Variants in SEPTIN14 observed in about 807,000 individuals in gnomAD.
SEPTIN14 encodes septin 14.
Under a neutral mutation model 53.6 loss-of-function variants are expected in SEPTIN14, and 40 were observed. That is an observed-to-expected ratio of 0.75 (90% CI 0.58 to 0.97). The LOEUF is 0.97. Ranked by LOEUF, SEPTIN14 falls within the 50% of genes least tolerant of loss-of-function variation. The pLI is 0.00. For synonymous variants in SEPTIN14, 138 were observed against 166.8 expected, an observed-to-expected ratio of 0.83 and a Z score of 1.33; for missense variants, 471 against 508.2, an observed-to-expected ratio of 0.93 and a Z score of 0.70.
At chr7:55,821,352 G>A (rs1788891370) in intron 6 of SEPTIN14, among the ~76,000 whole-genome samples, 1 of 152,176 alleles carries the variant, frequency 6.6e-6, no homozygotes, top group African/African-American at 2.4e-5. Context: ...TGAAGCTTCA[G>A]GGCAGGGTGG....
At chr7:55,808,897 G>A (rs1788650117) in intron 7 of SEPTIN14, among the ~76,000 whole-genome samples, 1 of 152,062 alleles carries the variant, frequency 6.6e-6, no homozygotes, top group African/African-American at 2.4e-5. Flanking sequence ...ATTTGACCCA[G>A]TAATCCCATT....
At chr7:55,800,366 G>A (rs937378916) in intron 9 of SEPTIN14, among the ~76,000 whole-genome samples, 3 of 152,200 alleles carry the variant, frequency 2.0e-5, no homozygotes, top group African/African-American at 7.2e-5. Flanking sequence ...GCTCACACCT[G>A]TAATCCCAGC....
intron 7 of SEPTIN14, among the ~76,000 whole-genome samples, chr7:55,818,267 T>G (rs1788829179): frequency 6.6e-6 from 1 of 150,706 alleles, no homozygotes; most frequent in South Asian, 2.1e-4. Flanking sequence ...AGGTCAGGAG[T>G]TCAAGATCAG....
rs560474387 is a variant in SEPTIN14 at position 55,808,153 on chromosome 7, T to C, written c.818-895A>G. ...GATTTAAACTACACTTTAGACCAAA[T>C]AGACCTAATGGACATATGTGGAATA... On this transcript the variant is annotated intron_variant, in intron 7 of 9. Coordinates refer to ENST00000388975, the MANE Select transcript of SEPTIN14 (RefSeq NM_207366.3). Among the ~76,000 whole-genome samples the C allele has an allele frequency of 5.9e-5, 9 of 152,278 alleles. No individual in the cohort carries two copies. In the East Asian group the frequency reaches 9.6e-4, roughly 16 times the overall value.
At chr7:55,805,109 C>A in intron 9 of SEPTIN14, 149 bp downstream of exon 9, 1 of 591,082 alleles carries the variant, frequency 1.7e-6, no homozygotes. Context: ...TTTGTAAAGG[C>A]TATATTCAAG....
At chr7:55,833,319 A>G (rs182305161) in intron 6 of SEPTIN14, among the ~76,000 whole-genome samples, 1 of 152,086 alleles carries the variant, frequency 6.6e-6, no homozygotes, top group Non-Finnish European at 1.5e-5. Flanking sequence ...CGTCTCAAAA[A>G]AAAAAGATCT....
intron 6 of SEPTIN14, among the ~76,000 whole-genome samples, chr7:55,831,464 A>G (rs937607317): frequency 6.6e-6 from 1 of 152,198 alleles, no homozygotes; most frequent in Non-Finnish European, 1.5e-5. Flanking sequence ...CATCATATAC[A>G]AACTTTAACT....
At chr7:55,826,367 T>C (rs1584260623) in intron 6 of SEPTIN14, among the ~76,000 whole-genome samples, 1 of 152,154 alleles carries the variant, frequency 6.6e-6, no homozygotes, top group Non-Finnish European at 1.5e-5. Context: ...TTGTCCCATA[T>C]AAGGGAGGCT....
At chr7:55,812,878 A>G (rs534965810) in intron 7 of SEPTIN14, among the ~76,000 whole-genome samples, 1 of 151,810 alleles carries the variant, frequency 6.6e-6, no homozygotes, top group Admixed American at 6.6e-5. Flanking sequence ...GGGACTTTGC[A>G]TTGGAACTCA....
At chr7:55,818,886 C>G (rs976881602) in intron 7 of SEPTIN14, among the ~76,000 whole-genome samples, 1 of 152,138 alleles carries the variant, frequency 6.6e-6, no homozygotes, top group African/African-American at 2.4e-5. Flanking sequence ...AGAGGTTCTT[C>G]CCAGCCTCTG....
chr7:55,807,320 G>T (rs879941443), intron 7 of SEPTIN14, 62 bp from the exon 8 acceptor site: 2 of 1,019,082 alleles, frequency 2.0e-6, no homozygotes, highest in African/African-American at 1.6e-5. Context: ...ATCAGTAAGT[G>T]TTCATGAATG....
At chr7:55,848,051 G>A (rs548059860) in intron 2 of SEPTIN14, among the ~76,000 whole-genome samples, 67 of 152,144 alleles carry the variant, frequency 4.4e-4, no homozygotes, top group Non-Finnish European at 6.3e-4. Flanking sequence ...AAATTAACCC[G>A]CTTTAAAAAT....
At chr7:55,800,398 T>A (rs537958230) in intron 9 of SEPTIN14, among the ~76,000 whole-genome samples, 2 of 152,184 alleles carry the variant, frequency 1.3e-5, no homozygotes, top group East Asian at 3.9e-4. Flanking sequence ...CTGAGGCAGG[T>A]GGATCACCTG....
chr7:55,796,891 G>A (rs532818074), intron 9 of SEPTIN14, among the ~76,000 whole-genome samples: 4 of 152,190 alleles, frequency 2.6e-5, no homozygotes, highest in Admixed American at 2.0e-4. Context: ...TTGGTAGGCC[G>A]AGGCAGGCAG....
At chr7:55,843,372 C>T (rs1402040025) in intron 4 of SEPTIN14, among the ~76,000 whole-genome samples, 1 of 151,986 alleles carries the variant, frequency 6.6e-6, no homozygotes, top group Non-Finnish European at 1.5e-5. Flanking sequence ...GACTAGTATC[C>T]AGAATATACA....
rs1338195414 is a variant in SEPTIN14 at position 55,808,413 on chromosome 7, T to C, written c.818-1155A>G. ...ATTTTTAGTTTTTGAGGAACCTTCA[T>C]ATTATTTCCCAAAATGGCTGTACCA... On this transcript the variant is annotated intron_variant, in intron 7 of 9. Transcript: ENST00000388975. 3.9e-5 allele frequency among the ~76,000 whole-genome samples: 6 copies of C among 152,332 alleles called. No individual in the cohort carries two copies. The East Asian group carries it at 7.7e-4, about 20-fold the overall frequency.
intron 4 of SEPTIN14, 82 bp from the exon 5 acceptor site, chr7:55,843,210 A>G: frequency 1.3e-6 from 1 of 772,796 alleles, no homozygotes; most frequent in Non-Finnish European, 2.0e-6. Context: ...AGCAGTTAAC[A>G]TGTATGTAAG....
chr7:55,857,438 G>A lies in SEPTIN14; in HGVS notation c.54+4505C>T, dbSNP rs1161715239. On this transcript the variant is annotated intron_variant, in intron 2 of 9. Coordinates refer to ENST00000388975, the MANE Select transcript of SEPTIN14 (RefSeq NM_207366.3). ...GAAAGAAGAGAGAGAAGAGAAGAGA[G>A]AAAAGGAAAGGAAGGGAAGGGGAGG... is the stretch of plus-strand genomic sequence containing the variant. Among the ~76,000 whole-genome samples, 403 of 125,816 alleles carry A rather than the reference G, an allele frequency of 3.2e-3. 8 individuals are homozygous for A. Among genetic ancestry groups the A allele is most frequent in the African/African-American group, 0.011 (383 of 35,426 alleles). 82.5% of individuals were successfully genotyped at this position (125,816 alleles called of 152,430 possible).
At chr7:55,826,835 C>T (rs996413950) in intron 6 of SEPTIN14, among the ~76,000 whole-genome samples, 3 of 151,986 alleles carry the variant, frequency 2.0e-5, no homozygotes, top group African/African-American at 7.3e-5. Context: ...ACAATGCTGC[C>T]ATCTGATCTT....
Sources: gnomAD v4.1 joint callset for allele counts (sites outside exome capture counted in the v4.1 genomes callset) on GRCh38, gnomAD v4.1.1 for gene constraint, MANE v1.5 for transcripts, NCBI Gene and HGNC (gene_info 2026-07-23, HGNC 2026-07-21) for gene names.